Variants in RBFOX1 observed in about 807,000 individuals in gnomAD.
RBFOX1 encodes the protein RNA binding protein fox-1 homolog 1.
Under a neutral mutation model 57.7 loss-of-function variants are expected in RBFOX1, and 8 were observed. The observed-to-expected ratio is 0.14, with a 90% CI of 0.08 to 0.25. The LOEUF is 0.25. RBFOX1 is among the 10% of genes least tolerant of loss of function. RBFOX1 has a pLI of 1.00. For missense variants in RBFOX1, 611 were observed against 548.5 expected, an observed-to-expected ratio of 1.11 and a Z score of -1.14; for synonymous variants, 326 against 222.4, an observed-to-expected ratio of 1.47 and a Z score of -4.15.
chr16:7,035,938 C>G (rs1419902737), intron 3 of RBFOX1, among the ~76,000 whole-genome samples: 3 of 152,114 alleles, frequency 2.0e-5, no homozygotes, highest in African/African-American at 7.2e-5. Flanking sequence ...CCCAGCCAAC[C>G]CTTTCAGACA....
At chr16:6,551,273 C>G (rs547855615) in intron 2 of RBFOX1, among the ~76,000 whole-genome samples, 2 of 152,288 alleles carry the variant, frequency 1.3e-5, no homozygotes, top group African/African-American at 4.8e-5. Flanking sequence ...ACATATGTGA[C>G]TGCTGCCCTC....
intron 3 of RBFOX1, among the ~76,000 whole-genome samples, chr16:6,820,659 C>CA (rs749156791): frequency 1.0e-3 from 141 of 136,702 alleles, no homozygotes; most frequent in African/African-American, 1.7e-3. Flanking sequence ...ACCCTGTCTC[C>CA]AAAAAAAAAA....
chr16:5,574,698 G>A lies in RBFOX1; in HGVS notation c.259-24204G>A, dbSNP rs1015835396. Among the ~76,000 whole-genome samples, 10 of 152,102 alleles carry A rather than the reference G, an allele frequency of 6.6e-5. No individual in the cohort carries two copies. The East Asian group carries it at 9.7e-4, about 15-fold the overall frequency. On this transcript the variant is annotated intron_variant, in intron 2 of 2. Coordinates refer to the RBFOX1 transcript ENST00000585867. ...CGCCCACCTCGGCCTCCCAAAATGCGTTACATGCTTTTAAACGTCAATGCT... is the reference window on the plus strand; with the variant it reads ...CGCCCACCTCGGCCTCCCAAAATGCATTACATGCTTTTAAACGTCAATGCT...
intron 2 of RBFOX1, among the ~76,000 whole-genome samples, chr16:6,431,946 T>C (rs1309469424): frequency 6.6e-6 from 1 of 151,296 alleles, no homozygotes; most frequent in Non-Finnish European, 1.5e-5. Flanking sequence ...TCTTTCTTTC[T>C]TTCTTTCTTT....
In RBFOX1 at chr16:7,482,972, T is replaced by C. The variant is rs543001643; in HGVS notation, c.28-35175T>C. Among the ~76,000 whole-genome samples, 74 of 152,290 alleles carry C rather than the reference T, an allele frequency of 4.9e-4. No homozygotes were observed. The East Asian group carries it at 0.013, about 27-fold the overall frequency. On this transcript the variant is annotated intron_variant, in intron 4 of 15. Transcript: ENST00000550418. ...AAGACCTTCACCTGGCTAGGAGATCTGAAAATGTGCCTATGATTGTCAGCT... is the reference window on the plus strand; with the variant it reads ...AAGACCTTCACCTGGCTAGGAGATCCGAAAATGTGCCTATGATTGTCAGCT...
intron 4 of RBFOX1, among the ~76,000 whole-genome samples, chr16:7,116,999 T>A (rs991123414): frequency 4.6e-5 from 7 of 152,062 alleles, no homozygotes; most frequent in Non-Finnish European, 1.0e-4. Context: ...TCCTCTGAGA[T>A]ACGTAGGCCA....
intron 3 of RBFOX1, among the ~76,000 whole-genome samples, chr16:6,772,502 G>C (rs2078473712): frequency 6.6e-6 from 1 of 151,396 alleles, no homozygotes; most frequent in Admixed American, 6.6e-5. Context: ...GGGTGCGTTT[G>C]TGTTTGTATG....
chr16:6,082,015 T>C (rs182285878), intron 1 of RBFOX1, among the ~76,000 whole-genome samples: 1 of 152,272 alleles, frequency 6.6e-6, no homozygotes, highest in East Asian at 1.9e-4. Flanking sequence ...AAGCATAGTT[T>C]TGAATATGAG....
intron 1 of RBFOX1, among the ~76,000 whole-genome samples, chr16:5,251,101 C>T (rs1053025000): frequency 6.7e-6 from 1 of 149,328 alleles, no homozygotes; most frequent in Non-Finnish European, 1.5e-5. Flanking sequence ...CCCCTACCCA[C>T]TTGTCCCCGC....
chr16:6,490,582 A>G (rs1329357116), intron 2 of RBFOX1, among the ~76,000 whole-genome samples: 3 of 152,210 alleles, frequency 2.0e-5, no homozygotes, highest in Non-Finnish European at 4.4e-5. Context: ...GAAAGCTCAG[A>G]GATGATTAAG....
intron 3 of RBFOX1, among the ~76,000 whole-genome samples, chr16:6,965,974 C>A (rs573273529): frequency 6.6e-6 from 1 of 152,034 alleles, no homozygotes; most frequent in Non-Finnish European, 1.5e-5. Flanking sequence ...TCACTTAGGG[C>A]TTTGGAATGG....
chr16:5,265,901 G>A (rs1321859622), intron 1 of RBFOX1, among the ~76,000 whole-genome samples: 1 of 152,190 alleles, frequency 6.6e-6, no homozygotes, highest in Non-Finnish European at 1.5e-5. Flanking sequence ...CTGTGTGGGT[G>A]TGTACAAAAT....
At chr16:7,095,495 C>A (rs926562680) in intron 4 of RBFOX1, among the ~76,000 whole-genome samples, 3 of 152,154 alleles carry the variant, frequency 2.0e-5, no homozygotes, top group African/African-American at 7.2e-5. Context: ...TAATTTTTAT[C>A]TGTGATGTGG....
chr16:6,506,253 T>C (rs1332806279), intron 2 of RBFOX1, among the ~76,000 whole-genome samples: 2 of 151,882 alleles, frequency 1.3e-5, no homozygotes, highest in Non-Finnish European at 2.9e-5. Flanking sequence ...GGGAGGACCA[T>C]GTGGGATGGG....
At chr16:7,140,976 G>C (rs777755641) in intron 4 of RBFOX1, among the ~76,000 whole-genome samples, 1 of 152,192 alleles carries the variant, frequency 6.6e-6, no homozygotes, top group Non-Finnish European at 1.5e-5. Context: ...GAAGGAGGGA[G>C]TGAAGAGGAA....
At chr16:6,761,505 T>A (rs2076592862) in intron 3 of RBFOX1, among the ~76,000 whole-genome samples, 1 of 110,648 alleles carries the variant, frequency 9.0e-6, no homozygotes, top group Admixed American at 9.6e-5. Flanking sequence ...ATCTCCTTTT[T>A]TTTTTTTTTT....
intron 3 of RBFOX1, among the ~76,000 whole-genome samples, chr16:6,838,849 C>T (rs1033818467): frequency 6.6e-6 from 1 of 152,072 alleles, no homozygotes; most frequent in Non-Finnish European, 1.5e-5. Flanking sequence ...CCGTCATACT[C>T]TGAAGGAAAA....
chr16:7,244,519 C>G (rs942765820), intron 4 of RBFOX1, among the ~76,000 whole-genome samples: 4 of 152,158 alleles, frequency 2.6e-5, no homozygotes, highest in Admixed American at 2.6e-4. Flanking sequence ...TTTTGGCATG[C>G]TTCCATTAGA....
intron 4 of RBFOX1, among the ~76,000 whole-genome samples, chr16:7,084,759 G>C (rs1202044662): frequency 2.6e-5 from 4 of 152,176 alleles, no homozygotes; most frequent in Non-Finnish European, 5.9e-5. Context: ...TGAGCATTGA[G>C]TGAATGTAAA....
Sources: allele counts gnomAD v4.1 joint callset (sites outside exome capture counted in the v4.1 genomes callset), GRCh38; gene constraint gnomAD v4.1.1; transcripts MANE v1.5; gene names NCBI Gene and HGNC (gene_info 2026-07-23, HGNC 2026-07-21).